The following ZRANB2 variants were observed in gnomAD, a reference collection of about 807,000 sequenced individuals.
ZRANB2 encodes the protein zinc finger Ran-binding domain-containing protein 2.
ZRANB2 carries 19 observed loss-of-function variants against 53.4 expected under a neutral mutation model. The ratio of observed to expected loss-of-function variants is 0.36; its 90% CI spans 0.25 to 0.52. ZRANB2 has a LOEUF of 0.52. Ranked by LOEUF, ZRANB2 falls within the 20% of genes least tolerant of loss-of-function variation. ZRANB2 has a pLI of 0.93. For missense variants in ZRANB2, 309 were observed against 401.1 expected (o/e 0.77, Z 1.96); for synonymous variants, 145 against 134.8 (o/e 1.08, Z -0.52).
rs139887701 is a variant in ZRANB2 at position 71,066,839 on chromosome 1, C to T, written c.866G>A (p.Arg289His). The T allele has an allele frequency of 2.8e-5, 45 of 1,612,444 alleles. No individual in the cohort carries two copies. Among genetic ancestry groups the T allele is most frequent in the East Asian group, 1.1e-4 (5 of 44,826 alleles). Reference sequence around the variant, plus strand: ...ATCACCAGATGAAGAAGATCTAGAACGACTTCTCTTTCTGTTCCTCTCAGG... The same window carrying T: ...ATCACCAGATGAAGAAGATCTAGAATGACTTCTCTTTCTGTTCCTCTCAGG... ...SSPERNRKRS[R>H]SRSSSSGDRK... Residue 289 changes from arginine (R) to histidine (H), a missense_variant, in exon 9 of 10, where the codon CGT becomes CAT. Around this residue, in one of 3 missense-constraint regions of ZRANB2, gnomAD observed 211 missense variants for 196.1 expected, o/e 1.08. Coordinates refer to ENST00000370920, the MANE Select transcript of ZRANB2 (RefSeq NM_203350.3).
chr1:71,071,032 A>G (rs1257591705), intron 6 of ZRANB2, 36 bp from the exon 7 acceptor site: 1 of 1,485,954 alleles, frequency 6.7e-7, no homozygotes, highest in African/African-American at 1.4e-5. Flanking sequence ...ACATTTAGAT[A>G]TTAGTGTTAC....
intron 8 of ZRANB2, chr1:71,067,715 C>G (rs1661481643): frequency 2.4e-6 from 1 of 421,206 alleles, no homozygotes; most frequent in African/African-American, 2.2e-5. Flanking sequence ...AAGTTACAAG[C>G]AATGAAAAAA....
intron 3 of ZRANB2, among the ~76,000 whole-genome samples, chr1:71,077,221 G>A (rs910054533): frequency 6.6e-6 from 1 of 152,080 alleles, no homozygotes; most frequent in South Asian, 2.1e-4. Context: ...TTTGAGAGAG[G>A]ACATGACACT....
At position 71,078,019 on chromosome 1, in the gene ZRANB2, C is replaced by T. The variant is rs562362769; in HGVS notation, c.218+438G>A. On this transcript the variant is annotated intron_variant, in intron 3 of 9. Coordinates refer to ENST00000370920, the MANE Select transcript of ZRANB2 (RefSeq NM_203350.3). ...CCTGAAAATAAAAATCATTAAGAAA[C>T]CTACCTATAATTAGACTTAATTACT... 3.1e-4 allele frequency among the ~76,000 whole-genome samples: 47 copies of T among 152,168 alleles called. 1 individual carries two copies. In the South Asian group the frequency reaches 9.8e-3, roughly 32 times the overall value.
intron 8 of ZRANB2, among the ~76,000 whole-genome samples, chr1:71,067,902 G>T (rs1661489490): frequency 6.7e-6 from 1 of 148,996 alleles, no homozygotes; most frequent in African/African-American, 2.5e-5. Flanking sequence ...TTTGAGACAG[G>T]ATCTTGCTCT....
intron 6 of ZRANB2, among the ~76,000 whole-genome samples, chr1:71,071,864 A>C (rs1661601476): frequency 6.6e-6 from 1 of 152,136 alleles, no homozygotes; most frequent in Non-Finnish European, 1.5e-5. Context: ...ACTGCTATCA[A>C]AATTACCTAT....
intron 4 of ZRANB2, 31 bp from the exon 5 acceptor site, chr1:71,072,579 A>G: frequency 6.6e-7 from 1 of 1,511,474 alleles, no homozygotes; most frequent in Non-Finnish European, 9.1e-7. Context: ...TTGTTACCCT[A>G]TGACAATTGA....
intron 4 of ZRANB2, among the ~76,000 whole-genome samples, chr1:71,076,243 T>C (rs905963856): frequency 4.6e-5 from 7 of 152,222 alleles, no homozygotes; most frequent in Admixed American, 1.3e-4. Context: ...ACAAAGCCAA[T>C]GATCAACTAT....
rs1224484309 is a variant in ZRANB2, at chr1:71,080,996, C to T, written c.-1G>A. On this transcript the variant is annotated 5_prime_UTR_variant, in exon 1 of 10. Coordinates refer to ENST00000370920, the MANE Select transcript of ZRANB2 (RefSeq NM_203350.3). ...TGACTCGGAAATTCTTGGTCGACAT[C>T]TTGAACGCCACCAGCACAGCCACCC... The T allele has an allele frequency of 5.6e-6, 9 of 1,614,152 alleles. No individual in the cohort carries two copies. Among genetic ancestry groups the T allele is most frequent in the South Asian group, 1.1e-5 (1 of 91,088 alleles).
chr1:71,080,962 C>G lies in ZRANB2; in HGVS notation c.34G>C (p.Asp12His). 1.2e-6 allele frequency: 2 copies of G among 1,614,190 alleles called. No homozygotes were observed. Reference protein sequence around the residue: ...STKNFRVSDGDWICPDKKCGN... With the variant: ...STKNFRVSDGHWICPDKKCGN... Reference sequence around the variant, plus strand: ...CACTTTTTGTCAGGGCAAATCCAGTCCCCGTCACTGACTCGGAAATTCTTG... The same window carrying G: ...CACTTTTTGTCAGGGCAAATCCAGTGCCCGTCACTGACTCGGAAATTCTTG... Residue 12 changes from aspartate (D) to histidine (H), a missense_variant, in exon 1 of 10, where the codon GAC becomes CAC. This residue lies in a region of ZRANB2 where 24 missense variants were observed against 24.9 expected (regional missense o/e 0.96). Transcript: ENST00000370920.
intron 4 of ZRANB2, among the ~76,000 whole-genome samples, chr1:71,073,642 A>G (rs866053049): frequency 5.3e-5 from 8 of 152,166 alleles, no homozygotes; most frequent in Non-Finnish European, 1.0e-4. Context: ...ATTTTTAAAC[A>G]TACGTGGGAT....
chr1:71,063,305 T>C lies in ZRANB2; in HGVS notation c.*1769A>G, dbSNP rs1037168456. On this transcript the variant is annotated 3_prime_UTR_variant, in exon 10 of 10. Coordinates refer to ENST00000370920, the MANE Select transcript of ZRANB2 (RefSeq NM_203350.3). The stretch of plus-strand genomic sequence containing the variant: ...TGAACATTAGATCAGAGTTTAAAAA[T>C]CTCTAGTTTATTTCTAACAAACACC... 2.0e-5 allele frequency: 3 copies of C among 152,266 alleles called. No individual in the cohort carries two copies. Among genetic ancestry groups the C allele is most frequent in the Admixed American group, 2.0e-4 (3 of 15,250 alleles). 9.4% of individuals were successfully genotyped at this position (152,266 alleles called of 1,614,324 possible).
At chr1:71,076,354 T>G (rs888129881) in intron 4 of ZRANB2, among the ~76,000 whole-genome samples, 4 of 152,198 alleles carry the variant, frequency 2.6e-5, no homozygotes, top group Non-Finnish European at 5.9e-5. Flanking sequence ...CAATCGATAT[T>G]TGAAAAAGTT....
At chr1:71,072,617 A>G (rs529684723) in intron 4 of ZRANB2, 69 bp from the exon 5 acceptor site, 377 of 1,195,000 alleles carry the variant, frequency 3.2e-4, no homozygotes, top group Non-Finnish European at 4.1e-4. Flanking sequence ...TCATGCCCAA[A>G]TCTCCAGACA....
intron 9 of ZRANB2, among the ~76,000 whole-genome samples, 198 bp from the exon 10 acceptor site, chr1:71,065,335 C>T (rs950485868): frequency 3.3e-5 from 5 of 151,894 alleles, no homozygotes; most frequent in African/African-American, 1.2e-4. Flanking sequence ...CATATAAATA[C>T]AATAAAAAAT....
At chr1:71,066,734 A>G in intron 9 of ZRANB2, 42 bp downstream of exon 9, 1 of 1,584,186 alleles carries the variant, frequency 6.3e-7, no homozygotes, top group Non-Finnish European at 8.6e-7. Flanking sequence ...TCTATTAAAC[A>G]CACTTAAGAA....
intron 1 of ZRANB2, among the ~76,000 whole-genome samples, chr1:71,079,206 A>C (rs1360352945): frequency 1.3e-5 from 2 of 152,106 alleles, no homozygotes; most frequent in South Asian, 2.1e-4. Context: ...ACTGACTAAA[A>C]ATACAAAAAG....
intron 6 of ZRANB2, among the ~76,000 whole-genome samples, 186 bp from the exon 7 acceptor site, chr1:71,071,182 G>A (rs536271155): frequency 6.6e-6 from 1 of 152,054 alleles, no homozygotes; most frequent in African/African-American, 2.4e-5. Context: ...CTTTGTCTCA[G>A]GTATTGCACA....
At chr1:71,079,494 A>C (rs1360655831) in intron 1 of ZRANB2, among the ~76,000 whole-genome samples, 1 of 152,232 alleles carries the variant, frequency 6.6e-6, no homozygotes, top group Non-Finnish European at 1.5e-5. Context: ...ATTATACTAG[A>C]ATACAATACA....
Sources: allele counts gnomAD v4.1 joint callset (sites outside exome capture counted in the v4.1 genomes callset), GRCh38; gene constraint gnomAD v4.1.1; regional missense constraint gnomAD v4.1.1; transcripts MANE v1.5; gene names NCBI Gene and HGNC (gene_info 2026-07-23, HGNC 2026-07-21).